The following PTPRD variants were observed in gnomAD, a reference collection of about 807,000 sequenced individuals.
PTPRD encodes receptor-type tyrosine-protein phosphatase delta.
Under a neutral mutation model 214.5 loss-of-function variants are expected in PTPRD, and 34 were observed. That is an observed-to-expected ratio of 0.16 (90% CI 0.12 to 0.21). PTPRD has a LOEUF of 0.21. Among genes scored for constraint, PTPRD ranks in the 10% least tolerant of loss-of-function variants. The pLI is 1.00. For synonymous variants in PTPRD, 1,128 were observed against 845.7 expected (o/e 1.33, Z -5.79); for missense variants, 2,545 against 2,398.7 (o/e 1.06, Z -1.27).
chr9:9,976,372 A>G (rs2095351368), intron 4 of PTPRD, among the ~76,000 whole-genome samples: 1 of 151,998 alleles, frequency 6.6e-6, no homozygotes, highest in Non-Finnish European at 1.5e-5. Context: ...TGCATCATCC[A>G]GGTGATTAAC....
chr9:10,537,493 A>G (rs1481514644), intron 2 of PTPRD, among the ~76,000 whole-genome samples: 1 of 152,176 alleles, frequency 6.6e-6, no homozygotes, highest in East Asian at 1.9e-4. Flanking sequence ...GCATTAACAT[A>G]AACTAAAAAT....
intron 37 of PTPRD, among the ~76,000 whole-genome samples, chr9:8,383,891 C>T (rs1439613524): frequency 6.6e-6 from 1 of 152,080 alleles, no homozygotes; most frequent in South Asian, 2.1e-4. Context: ...ATATTCTAAC[C>T]CTGACTAAGC....
At chr9:9,460,119 T>C (rs2093499814) in intron 8 of PTPRD, among the ~76,000 whole-genome samples, 1 of 151,956 alleles carries the variant, frequency 6.6e-6, no homozygotes. Context: ...CAATAAATGG[T>C]GCTAAAAACA....
At chr9:8,646,477 T>C (rs1308589013) in intron 12 of PTPRD, among the ~76,000 whole-genome samples, 1 of 152,178 alleles carries the variant, frequency 6.6e-6, no homozygotes, top group African/African-American at 2.4e-5. Context: ...ATTTCCACCA[T>C]TGCCCACGGA....
At chr9:8,768,394 A>C (rs1262480698) in intron 11 of PTPRD, among the ~76,000 whole-genome samples, 1 of 152,120 alleles carries the variant, frequency 6.6e-6, no homozygotes, top group Non-Finnish European at 1.5e-5. Context: ...CTACAAAAAT[A>C]CAAAACAATT....
chr9:9,257,435 C>T (rs1373577697), intron 9 of PTPRD, among the ~76,000 whole-genome samples: 1 of 151,818 alleles, frequency 6.6e-6, no homozygotes, highest in Non-Finnish European at 1.5e-5. Context: ...TCAACTGCTC[C>T]TTAATTTGAA....
intron 35 of PTPRD, among the ~76,000 whole-genome samples, chr9:8,428,917 T>C (rs926830639): frequency 6.6e-6 from 1 of 152,230 alleles, no homozygotes; most frequent in Non-Finnish European, 1.5e-5. Context: ...CAAGAGTCTT[T>C]TCCAAGGGAA....
At chr9:10,002,830 T>C (rs1401585067) in intron 4 of PTPRD, among the ~76,000 whole-genome samples, 4 of 151,566 alleles carry the variant, frequency 2.6e-5, no homozygotes, top group Non-Finnish European at 5.9e-5. Context: ...GAAATAGACC[T>C]AATGAAAATC....
intron 6 of PTPRD, among the ~76,000 whole-genome samples, chr9:9,750,276 G>C (rs904243002): frequency 4.0e-5 from 6 of 151,880 alleles, no homozygotes; most frequent in African/African-American, 1.5e-4. Context: ...TAATGTGAAT[G>C]GCAATCACAG....
rs559552950 is a variant in PTPRD, at chr9:9,425,168, C to T, written c.-236-27686G>A. 9.9e-5 allele frequency among the ~76,000 whole-genome samples: 15 copies of T among 151,974 alleles called. No individual in the cohort carries two copies. In the East Asian group the frequency reaches 2.1e-3, roughly 22 times the overall value. ...CATATGGAGGAAAATCAATGCATCC[C>T]AGACAATAGCCAGTACATCCATTTT... On this transcript the variant is annotated intron_variant, in intron 8 of 45. Transcript: ENST00000381196.
In PTPRD at chr9:8,948,445, A is replaced by ATATT. The variant is rs1252256966; in HGVS notation, c.-104+70251_-104+70252insAATA. Among the ~76,000 whole-genome samples, 28 of 23,022 alleles carry ATATT rather than the reference A, an allele frequency of 1.2e-3. 5 individuals carry two copies. The highest frequency in any genetic ancestry group is 0.01 in the South Asian group (4 of 398). 15.1% of individuals were successfully genotyped at this position (23,022 alleles called of 152,430 possible). The stretch of plus-strand genomic sequence containing the variant: ...TATATTTATATATATATTTACATAT[A>ATATT]TATATATTTATATATATATTTACAT... On this transcript the variant is annotated intron_variant, in intron 11 of 45. Transcript: ENST00000381196.
At position 9,917,434 on chromosome 9, in the gene PTPRD, A is replaced by G. The variant is rs187284836; in HGVS notation, c.-368+21073T>C. On this transcript the variant is annotated intron_variant, in intron 5 of 45. Transcript: ENST00000381196. ...GAACAACTACACTCCAATACATTTT[A>G]AAATCCAGAAAATTTCCTAAAAAAA... 2.7e-3 allele frequency among the ~76,000 whole-genome samples: 381 copies of G among 140,164 alleles called. 4 individuals carry two copies. Among genetic ancestry groups the G allele is most frequent in the African/African-American group, 9.4e-3 (354 of 37,622 alleles). The allele number at this position is 140,164 out of a possible 152,430, so 92.0% of individuals were successfully genotyped here. A position where few individuals can be genotyped will look rare whatever the true frequency, so the allele number is the denominator to read the frequency against.
At chr9:8,912,053 G>A (rs2098752061) in intron 11 of PTPRD, among the ~76,000 whole-genome samples, 2 of 152,138 alleles carry the variant, frequency 1.3e-5, no homozygotes, top group African/African-American at 4.8e-5. Flanking sequence ...TACATTACTA[G>A]TGGTAGTGAA....
chr9:8,507,574 T>C (rs2097567520), intron 21 of PTPRD, 140 bp from the exon 22 acceptor site: 2 of 993,430 alleles, frequency 2.0e-6, no homozygotes, highest in African/African-American at 1.6e-5. Flanking sequence ...CTTTACCTTG[T>C]CCAAGTTAAC....
At chr9:10,281,390 A>C (rs536333748) in intron 3 of PTPRD, among the ~76,000 whole-genome samples, 1 of 147,044 alleles carries the variant, frequency 6.8e-6, no homozygotes, top group Admixed American at 6.6e-5. Context: ...TTAATGGATG[A>C]GATGAGGTGA....
chr9:10,522,934 A>ATCATAAT (rs1325739787), intron 2 of PTPRD, among the ~76,000 whole-genome samples: 1 of 152,064 alleles, frequency 6.6e-6, no homozygotes, highest in Non-Finnish European at 1.5e-5. Context: ...TAGGTTTTTA[A>ATCATAAT]TCATAATTTT....
intron 26 of PTPRD, among the ~76,000 whole-genome samples, chr9:8,494,702 T>C (rs1321705302): frequency 6.6e-6 from 1 of 152,204 alleles, no homozygotes; most frequent in Non-Finnish European, 1.5e-5. Flanking sequence ...CACATATCCA[T>C]TATCTTGCCC....
At chr9:10,530,676 G>C (rs1213896538) in intron 2 of PTPRD, among the ~76,000 whole-genome samples, 1 of 152,046 alleles carries the variant, frequency 6.6e-6, no homozygotes, top group Non-Finnish European at 1.5e-5. Flanking sequence ...ATGATAATAA[G>C]AGCCAGATTA....
chr9:9,415,074 A>C (rs1185415958), intron 8 of PTPRD, among the ~76,000 whole-genome samples: 1 of 152,192 alleles, frequency 6.6e-6, no homozygotes, highest in Admixed American at 6.5e-5. Context: ...CTTGTTTATT[A>C]AGTATTGTGT....
Sources: allele counts gnomAD v4.1 joint callset (sites outside exome capture counted in the v4.1 genomes callset), GRCh38; gene constraint gnomAD v4.1.1; transcripts MANE v1.5; gene names NCBI Gene and HGNC (gene_info 2026-07-23, HGNC 2026-07-21).